GATA5: variants seen among roughly 807,000 people sequenced by gnomAD.
GATA5 encodes the protein GATA binding protein 5.
In GATA5, 27 loss-of-function variants were observed where a neutral mutation model predicts 35.0. That is an observed-to-expected ratio of 0.77 (90% CI 0.57 to 1.06). The LOEUF is 1.06. Ranked by LOEUF, GATA5 falls within the 50% of genes least tolerant of loss-of-function variation. The pLI is 0.00. For synonymous variants in GATA5, 306 were observed against 267.8 expected (o/e 1.14, Z -1.39); for missense variants, 612 against 580.0 (o/e 1.06, Z -0.57).
chr20:62,475,582 C>T, intron 1 of GATA5, 40 bp from the exon 2 acceptor site: 1 of 1,197,586 alleles, frequency 8.4e-7, no homozygotes. Flanking sequence ...CACGGGAGCT[C>T]TGCGCCCTCC....
In GATA5 at chr20:62,470,765, G is replaced by A. The variant is rs1989701241; in HGVS notation, c.699+2638C>T. Among the ~76,000 whole-genome samples the A allele has an allele frequency of 6.6e-6, 1 of 152,174 alleles. No individual in the cohort carries two copies. Among genetic ancestry groups the A allele is most frequent in the Non-Finnish European group, 1.5e-5 (1 of 68,014 alleles). On this transcript the variant is annotated intron_variant, in intron 3 of 6. Transcript: ENST00000252997. The surrounding 1 kb of genome is among the most constrained non-coding windows in gnomAD (Gnocchi z 4.6). ...AGTGTTCTTGGGGGTGGGCTGCTTG[G>A]GGCCCAAGAGCTCCCAACCGTGTCC...
rs539364025 is a variant in GATA5 at position 62,472,719 on chromosome 20, C to G, written c.699+684G>C. On this transcript the variant is annotated intron_variant, in intron 3 of 6. Transcript: ENST00000252997. ...AAAGCAACTTTCAGCCTCTTCCAGC[C>G]TCTGGGGACTGTGCCCTGCCTGGGG... 2.6e-5 allele frequency among the ~76,000 whole-genome samples: 4 copies of G among 152,374 alleles called. No homozygotes were observed. The East Asian group carries it at 7.7e-4, about 29-fold the overall frequency.
At chr20:62,469,673 G>T (rs1569046256) in intron 3 of GATA5, among the ~76,000 whole-genome samples, 2 of 152,358 alleles carry the variant, frequency 1.3e-5, no homozygotes, top group East Asian at 3.9e-4. Flanking sequence ...AACCCACCTT[G>T]AATGTTTTCA....
chr20:62,472,315 T>C (rs1555896641), intron 3 of GATA5, among the ~76,000 whole-genome samples: 1 of 152,090 alleles, frequency 6.6e-6, no homozygotes, highest in Non-Finnish European at 1.5e-5. Flanking sequence ...CACTGGGACC[T>C]CCCACGCTCA....
intron 3 of GATA5, 147 bp downstream of exon 3, chr20:62,473,256 C>T: frequency 1.2e-6 from 1 of 836,508 alleles, no homozygotes; most frequent in South Asian, 1.7e-5. Flanking sequence ...CCGGCCTGAC[C>T]TGACCCACCG....
At position 62,465,317 on chromosome 20, in the gene GATA5, C is replaced by T. The variant is rs782199300; in HGVS notation, c.1038+23G>A. 4.4e-6 allele frequency: 7 copies of T among 1,575,792 alleles called. No individual in the cohort carries two copies. The East Asian group carries it at 1.4e-4, about 30-fold the overall frequency. ...GCACAGGGGCCCCAGCTCTGGGCAC[C>T]CCACCCCAGCCCACCCCCTTACCTG... On this transcript the variant is annotated intron_variant, in intron 6 of 6. Coordinates refer to ENST00000252997, the MANE Select transcript of GATA5 (RefSeq NM_080473.5).
intron 2 of GATA5, among the ~76,000 whole-genome samples, 183 bp from the exon 3 acceptor site, chr20:62,473,761 T>C (rs566323003): frequency 2.0e-5 from 3 of 152,378 alleles, no homozygotes; most frequent in African/African-American, 7.2e-5. Flanking sequence ...CTTCATCTTA[T>C]TTTTAAATTT....
rs1555897030 is a variant in GATA5 at position 62,475,328 on chromosome 20, G to T, written c.194C>A (p.Ala65Glu). 8.0e-7 allele frequency: 1 copy of T among 1,252,194 alleles called. No individual in the cohort carries two copies. The highest frequency in any genetic ancestry group is 3.2e-5 in the East Asian group (1 of 31,730). The allele number at this position is 1,252,194 out of a possible 1,614,324, so 77.6% of individuals were successfully genotyped here. A position where few individuals can be genotyped will look rare whatever the true frequency, so the allele number is the denominator to read the frequency against. Residue 65 changes from alanine to glutamate, a missense_variant, in exon 2 of 7, where the codon GCG becomes GAG. By Grantham distance (107) the Ala-to-Glu change is moderately radical (BLOSUM62 -1). Transcript: ENST00000252997. ...PPELAARPGW[A>E]QTATADSSAF... ...CGACGAATCCGCGGTGGCTGTCTGC[G>T]CCCAGCCGGGGCGCGCAGCGAGCTC...
At chr20:62,466,821 G>A (rs575062686) in intron 3 of GATA5, among the ~76,000 whole-genome samples, 6 of 152,236 alleles carry the variant, frequency 3.9e-5, no homozygotes, top group Admixed American at 1.3e-4. Flanking sequence ...TTCAGAGCCC[G>A]TGGGGGCCAG....
At chr20:62,468,225 C>G (rs1555896269) in intron 3 of GATA5, among the ~76,000 whole-genome samples, 1 of 152,032 alleles carries the variant, frequency 6.6e-6, no homozygotes, top group African/African-American at 2.4e-5. Flanking sequence ...GCTTCCCCGT[C>G]TGTTACAGCC....
chr20:62,473,527 C>T lies in GATA5; in HGVS notation c.575G>A (p.Cys192Tyr), dbSNP rs1555896790. ...FPGEGRECVN[C>Y]GALSTPLWRR... The stretch of plus-strand genomic sequence containing the variant: ...CCACAGCGGTGTGGACAGGGCCCCG[C>T]AGTTGACACACTCACGACCCTCACC... Residue 192 changes from cysteine (C) to tyrosine (Y), a missense_variant, in exon 3 of 7, where the codon TGC becomes TAC. Transcript: ENST00000252997. 3.1e-6 allele frequency: 5 copies of T among 1,607,558 alleles called. No individual in the cohort carries two copies. Among genetic ancestry groups the T allele is most frequent in the Non-Finnish European group, 4.2e-6 (5 of 1,177,582 alleles).
chr20:62,467,183 C>T (rs781972762), intron 3 of GATA5, among the ~76,000 whole-genome samples: 1 of 152,200 alleles, frequency 6.6e-6, no homozygotes, highest in East Asian at 1.9e-4. Flanking sequence ...CTGGCAGGCC[C>T]GGGTCCAATC....
chr20:62,465,834 C>A lies in GATA5; in HGVS notation c.913G>T (p.Gly305Ter). 6.3e-7 allele frequency: 1 copy of A among 1,582,718 alleles called. No homozygotes were observed. Among genetic ancestry groups the A allele is most frequent in the Non-Finnish European group, 8.6e-7 (1 of 1,163,728 alleles). ...CTGACTGCAGGGCCTGGCCACGCAC[C>A]TGAGGAGCCCCTGGCCTTGGCGATG... ...KTIAKARGSS[G>*]STRNASASPS... is the part of the protein sequence containing the mutation. The change falls in exon 5 of 7, where the codon GGA (glycine) becomes TGA (stop). Residue 305 changes from glycine (G) to a stop codon, truncating the protein, a stop_gained and splice_region_variant. Coordinates refer to ENST00000252997, the MANE Select transcript of GATA5 (RefSeq NM_080473.5). LOFTEE classifies it high-confidence loss of function.
chr20:62,473,607 G>C (rs1271850854), intron 2 of GATA5, 29 bp from the exon 3 acceptor site: 1 of 1,559,070 alleles, frequency 6.4e-7, no homozygotes. Context: ...GGTGGGCCCG[G>C]GCCCTCCCCT....
intron 3 of GATA5, among the ~76,000 whole-genome samples, chr20:62,472,421 G>A (rs1249802762): frequency 6.6e-6 from 1 of 152,206 alleles, no homozygotes; most frequent in Non-Finnish European, 1.5e-5. Context: ...GCGAATCCAG[G>A]CATCTAGAAC....
In GATA5 at chr20:62,464,958, CG is replaced by C. The variant is rs782682562; in HGVS notation, c.1071del (p.Gly358AlafsTer107). On this transcript the variant is annotated frameshift_variant, in exon 7 of 7. Transcript: ENST00000252997. LOFTEE classifies it high-confidence loss of function. ...GGCTCGAACTTGAACTCCAAGTGGC[CG>C]GGGGCAAGAGAGTCATCCTCCTGGC... ...ASGQEDDSLA[P>X]GHLEFKFEPE... 7.4e-7 allele frequency: 1 copy of C among 1,351,886 alleles called. No individual in the cohort carries two copies. Among genetic ancestry groups the C allele is most frequent in the South Asian group, 1.1e-5 (1 of 87,484 alleles). 83.7% of individuals were successfully genotyped at this position (1,351,886 alleles called of 1,614,324 possible). A position where few individuals can be genotyped will look rare whatever the true frequency, so the allele number is the denominator to read the frequency against.
At chr20:62,466,224 T>C (rs1989583002) in intron 4 of GATA5, among the ~76,000 whole-genome samples, 1 of 152,188 alleles carries the variant, frequency 6.6e-6, no homozygotes, top group Non-Finnish European at 1.5e-5. Flanking sequence ...TCAGCGCGTC[T>C]GTGCCGTGAG....
At chr20:62,469,019 C>T (rs1016172924) in intron 3 of GATA5, among the ~76,000 whole-genome samples, 1 of 152,218 alleles carries the variant, frequency 6.6e-6, no homozygotes, top group African/African-American at 2.4e-5. Flanking sequence ...CTCTTCTATC[C>T]TCGTCAGGTG....
At chr20:62,474,531 G>A (rs941912619) in intron 2 of GATA5, among the ~76,000 whole-genome samples, 1 of 152,144 alleles carries the variant, frequency 6.6e-6, no homozygotes, top group African/African-American at 2.4e-5. Flanking sequence ...CTGCAACCGG[G>A]AAGAGCCGCT....
Sources: allele counts gnomAD v4.1 joint callset (sites outside exome capture counted in the v4.1 genomes callset), GRCh38; gene constraint gnomAD v4.1.1; non-coding constraint Gnocchi (gnomAD v3.1); transcripts MANE v1.5; gene names NCBI Gene and HGNC (gene_info 2026-07-23, HGNC 2026-07-21).